The following MDM4 variants were observed in gnomAD, a reference collection of about 807,000 sequenced individuals.
MDM4 encodes protein Mdm4.
In MDM4, 2 loss-of-function variants were observed where a neutral mutation model predicts 60.2. That is an observed-to-expected ratio of 0.03 (90% CI 0.01 to 0.10). The LOEUF (loss-of-function observed/expected upper bound fraction) is 0.10. Ranked by LOEUF, MDM4 falls within the 10% of genes least tolerant of loss-of-function variation. The pLI is 1.00. For synonymous variants in MDM4, 202 were observed against 198.1 expected (o/e 1.02, Z -0.17); for missense variants, 447 against 577.5 (o/e 0.77, Z 2.32).
In MDM4 at chr1:204,550,718, T is replaced by TA. The variant is rs1663122810; in HGVS notation, c.*1037dup. ...ACTCCCAGCTAATTAAAATAATTTG[T>TA]AGACGGTGTCTCGTTATGTTGCCCA... On this transcript the variant is annotated 3_prime_UTR_variant, in exon 11 of 11. Coordinates refer to ENST00000367182, the MANE Select transcript of MDM4 (RefSeq NM_002393.5). 2 of 168,778 alleles carry TA rather than the reference T, an allele frequency of 1.2e-5. No homozygotes were observed. The highest frequency in any genetic ancestry group is 4.9e-5 in the African/African-American group (2 of 40,458). 10.5% of individuals were successfully genotyped at this position (168,778 alleles called of 1,614,324 possible). A position where few individuals can be genotyped will look rare whatever the true frequency, so the allele number is the denominator to read the frequency against.
chr1:204,521,233 G>A (rs1196600200), intron 1 of MDM4, among the ~76,000 whole-genome samples: 1 of 152,106 alleles, frequency 6.6e-6, no homozygotes, highest in African/African-American at 2.4e-5. Flanking sequence ...CTAATGCTAT[G>A]GAATAAACCA....
Position 204,557,840 on chromosome 1 carries a change from A to G in MDM4, c.*8158A>G, listed in dbSNP as rs1663631775. On this transcript the variant is annotated 3_prime_UTR_variant, in exon 11 of 11. Coordinates refer to ENST00000367182, the MANE Select transcript of MDM4 (RefSeq NM_002393.5). ...ATGTGGTTTCATCAAGTGGGAAGAA[A>G]GCAGCAATTTAAAATAACTTTTTGG... is the stretch of plus-strand genomic sequence containing the variant. 5.3e-6 allele frequency: 1 copy of G among 188,472 alleles called. No individual in the cohort carries two copies. Among genetic ancestry groups the G allele is most frequent in the South Asian group, 1.9e-4 (1 of 5,140 alleles). The allele number at this position is 188,472 out of a possible 1,614,324, so 11.7% of individuals were successfully genotyped here. A position where few individuals can be genotyped will look rare whatever the true frequency, so the allele number is the denominator to read the frequency against.
rs1378620679 is a variant in MDM4 at position 204,553,574 on chromosome 1, T to A, written c.*3892T>A. On this transcript the variant is annotated 3_prime_UTR_variant, in exon 11 of 11. Coordinates refer to ENST00000367182, the MANE Select transcript of MDM4 (RefSeq NM_002393.5). Reference sequence around the variant, plus strand: ...GTTTCTGCTGCAACGTGCTGTAGACTATGAATAATGAAATCACACCACATT... The same window carrying A: ...GTTTCTGCTGCAACGTGCTGTAGACAATGAATAATGAAATCACACCACATT... 4.4e-6 allele frequency: 1 copy of A among 228,274 alleles called. No individual in the cohort carries two copies. The highest frequency in any genetic ancestry group is 2.2e-5 in the African/African-American group (1 of 45,100). The allele number at this position is 228,274 out of a possible 1,614,324, so 14.1% of individuals were successfully genotyped here. A position where few individuals can be genotyped will look rare whatever the true frequency, so the allele number is the denominator to read the frequency against.
Position 204,550,795 on chromosome 1 carries a change from A to G in MDM4, c.*1113A>G, listed in dbSNP as rs1412511340. ...GTGATTCCCCCGCCTCAGCCTCCCAAAGTGTTGGGCTTACAGCCTTGAGCC... is the reference window on the plus strand; with the variant it reads ...GTGATTCCCCCGCCTCAGCCTCCCAGAGTGTTGGGCTTACAGCCTTGAGCC... On this transcript the variant is annotated 3_prime_UTR_variant, in exon 11 of 11. Transcript: ENST00000367182. 1 of 177,054 alleles carries G rather than the reference A, an allele frequency of 5.6e-6. No homozygotes were observed. Among genetic ancestry groups the G allele is most frequent in the Non-Finnish European group, 1.2e-5 (1 of 82,274 alleles). The allele number at this position is 177,054 out of a possible 1,614,324, so 11.0% of individuals were successfully genotyped here.
intron 3 of MDM4, among the ~76,000 whole-genome samples, chr1:204,527,535 T>C (rs1660329599): frequency 2.0e-5 from 3 of 151,224 alleles, no homozygotes; most frequent in African/African-American, 7.3e-5. Context: ...CCCAGCTACT[T>C]GGGAGGCTGA....
chr1:204,528,641 C>T (rs981345352), intron 3 of MDM4, among the ~76,000 whole-genome samples: 3 of 152,214 alleles, frequency 2.0e-5, no homozygotes, highest in Admixed American at 1.3e-4. Context: ...CAGGCCCCTA[C>T]CTGTGTGGCC....
rs192603171 is a variant in MDM4, at chr1:204,549,673, T to C, written c.1464T>C (p.Phe488=). The C allele has an allele frequency of 2.6e-6, 4 of 1,536,488 alleles. No homozygotes were observed. The African/African-American group carries it at 5.5e-5, about 21-fold the overall frequency. ...KKEIQLVIKV[F]IA Reference sequence around the variant, plus strand: ...AGATTCAGCTGGTTATTAAGGTTTTTATAGCATAATGGTAGTACGAACATA... The same window carrying C: ...AGATTCAGCTGGTTATTAAGGTTTTCATAGCATAATGGTAGTACGAACATA... Residue 488 remains phenylalanine, a synonymous_variant, in exon 11 of 11, where the codon TTT becomes TTC. Transcript: ENST00000367182.
intron 5 of MDM4, among the ~76,000 whole-genome samples, chr1:204,536,421 T>G (rs1218265790): frequency 6.6e-6 from 1 of 152,242 alleles, no homozygotes; most frequent in Admixed American, 6.5e-5. Context: ...AAATGTTTGC[T>G]TTTTTCAATA....
intron 1 of MDM4, among the ~76,000 whole-genome samples, chr1:204,525,146 G>A (rs1232087019): frequency 6.6e-6 from 1 of 152,190 alleles, no homozygotes; most frequent in African/African-American, 2.4e-5. Flanking sequence ...CATCTAGAGA[G>A]TGCTCTACCT....
At position 204,522,432 on chromosome 1, in the gene MDM4, T is replaced by A. The variant is rs1429698385; in HGVS notation, c.-35-3052T>A. 2.7e-5 allele frequency among the ~76,000 whole-genome samples: 4 copies of A among 149,386 alleles called. No individual in the cohort carries two copies. The East Asian group carries it at 5.9e-4, about 22-fold the overall frequency. ...TTTTTTTTTTTTGAAACAATCTTGC[T>A]CTGTCACCAGGCTGTAGTGCAGTGG... On this transcript the variant is annotated intron_variant, in intron 1 of 10. Coordinates refer to ENST00000367182, the MANE Select transcript of MDM4 (RefSeq NM_002393.5).
intron 1 of MDM4, 55 bp from the exon 2 acceptor site, chr1:204,525,429 A>G: frequency 6.6e-7 from 1 of 1,509,364 alleles, no homozygotes; most frequent in South Asian, 1.3e-5. Context: ...TGTGAATGCT[A>G]AATAGGGAAT....
chr1:204,555,075 T>A lies in MDM4; in HGVS notation c.*5393T>A, dbSNP rs1251411131. On this transcript the variant is annotated 3_prime_UTR_variant, in exon 11 of 11. Transcript: ENST00000367182. ...CTTTATCTGAAATCCAAGATGCTGC[T>A]TCCCCTGCAGGTTGTTTTCCTTCTT... 3 of 211,282 alleles carry A rather than the reference T, an allele frequency of 1.4e-5. No homozygotes were observed. The highest frequency in any genetic ancestry group is 2.9e-5 in the Non-Finnish European group (3 of 104,284). 13.1% of individuals were successfully genotyped at this position (211,282 alleles called of 1,614,324 possible).
At chr1:204,517,065 A>AC (rs1177269800) in intron 1 of MDM4, among the ~76,000 whole-genome samples, 1 of 151,934 alleles carries the variant, frequency 6.6e-6, no homozygotes, top group Non-Finnish European at 1.5e-5. Context: ...ACCTGGTGAA[A>AC]CCCCGTCTCT....
chr1:204,549,017 C>A, intron 10 of MDM4, 96 bp from the exon 11 acceptor site: 1 of 767,880 alleles, frequency 1.3e-6, no homozygotes. Context: ...TGTGGAATAG[C>A]TTAGTGAGAG....
At chr1:204,532,782 G>A (rs750181321) in intron 5 of MDM4, 19 of 1,611,096 alleles carry the variant, frequency 1.2e-5, no homozygotes, top group Non-Finnish European at 1.6e-5. Flanking sequence ...TGGGTCATTT[G>A]TTCTGTAGAA....
At chr1:204,523,472 A>AT (rs1558310638) in intron 1 of MDM4, among the ~76,000 whole-genome samples, 5 of 89,062 alleles carry the variant, frequency 5.6e-5, no homozygotes, top group African/African-American at 1.3e-4. Flanking sequence ...ACCTAAAAAA[A>AT]ATTTTTTTTT....
Position 204,554,592 on chromosome 1 carries a change from A to C in MDM4, c.*4910A>C. On this transcript the variant is annotated 3_prime_UTR_variant, in exon 11 of 11. Coordinates refer to ENST00000367182, the MANE Select transcript of MDM4 (RefSeq NM_002393.5). ...GGAATGTTAAGGTTACTTGGCTGGA[A>C]TTTATCAGACTTGTGAGTAAACAAG... 4.4e-6 allele frequency: 1 copy of C among 226,842 alleles called. No individual in the cohort carries two copies. The highest frequency in any genetic ancestry group is 8.8e-6 in the Non-Finnish European group (1 of 114,076). The allele number at this position is 226,842 out of a possible 1,614,324, so 14.1% of individuals were successfully genotyped here. A position where few individuals can be genotyped will look rare whatever the true frequency, so the allele number is the denominator to read the frequency against.
intron 3 of MDM4, among the ~76,000 whole-genome samples, 186 bp from the exon 4 acceptor site, chr1:204,530,498 A>C (rs1161445848): frequency 6.6e-6 from 1 of 152,204 alleles, no homozygotes; most frequent in Non-Finnish European, 1.5e-5. Context: ...TCAGAAAGAC[A>C]ATGAGTAGAT....
At chr1:204,549,025 G>A (rs1662947016) in intron 10 of MDM4, 88 bp from the exon 11 acceptor site, 1 of 800,838 alleles carries the variant, frequency 1.2e-6, no homozygotes, top group African/African-American at 1.7e-5. Context: ...AGCTTAGTGA[G>A]AGGATGTGAA....
Sources: gnomAD v4.1 joint callset for allele counts (sites outside exome capture counted in the v4.1 genomes callset) on GRCh38, gnomAD v4.1.1 for gene constraint, MANE v1.5 for transcripts, NCBI Gene and HGNC (gene_info 2026-07-23, HGNC 2026-07-21) for gene names.